The following PILRA variants were observed in gnomAD, a reference collection of about 807,000 sequenced individuals.
The protein encoded by PILRA is paired immunoglobulin-like type 2 receptor alpha.
PILRA carries 37 observed loss-of-function variants against 33.1 expected under a neutral mutation model. That is an observed-to-expected ratio of 1.12 (90% confidence interval 0.86 to 1.47). PILRA has a LOEUF of 1.47. Ranked by LOEUF, PILRA falls within the 40% of genes most tolerant of loss-of-function variation. The pLI is 0.00. For synonymous variants in PILRA, 146 were observed against 149.9 expected (o/e 0.97, Z 0.19); for missense variants, 312 against 376.2 (o/e 0.83, Z 1.41).
At chr7:100,378,627 T>G (rs999525678) in intron 2 of PILRA, among the ~76,000 whole-genome samples, 1 of 151,580 alleles carries the variant, frequency 6.6e-6, no homozygotes, top group Non-Finnish European at 1.5e-5. Context: ...CTCATAAGAT[T>G]GTTTAACTGT....
intron 2 of PILRA, among the ~76,000 whole-genome samples, chr7:100,377,231 C>CTTTTTTTTTTTTTTTTTTTTTT (rs761225046): frequency 2.0e-5 from 2 of 100,930 alleles, no homozygotes; most frequent in Non-Finnish European, 3.9e-5. Flanking sequence ...TTTTCTATTT[C>CTTTTTTTTTTTTTTTTTTTTTT]TTTTTTTTTT....
At chr7:100,395,289 G>A (rs1791472048) in intron 3 of PILRA, among the ~76,000 whole-genome samples, 1 of 152,114 alleles carries the variant, frequency 6.6e-6, no homozygotes, top group Non-Finnish European at 1.5e-5. Context: ...GGTCATGACG[G>A]CTCTGCCAAA....
upstream of PILRA, chr7:100,373,404 C>CCTT (rs1790861867): frequency 3.4e-6 from 2 of 580,856 alleles, no homozygotes; most frequent in Non-Finnish European, 6.2e-6. Flanking sequence ...GGCCTTTGGG[C>CCTT]AGGGCTGACT....
At chr7:100,374,677 C>G in intron 2 of PILRA, 1 of 573,072 alleles carries the variant, frequency 1.7e-6, no homozygotes, top group Non-Finnish European at 3.1e-6. Flanking sequence ...GCCCCGCCCC[C>G]ACTCCTCAGG....
intron 3 of PILRA, among the ~76,000 whole-genome samples, chr7:100,393,934 T>A (rs1032932640): frequency 6.6e-6 from 1 of 152,122 alleles, no homozygotes; most frequent in Non-Finnish European, 1.5e-5. Flanking sequence ...ACACAGCCGA[T>A]CCCCGCCCCT....
intron 3 of PILRA, among the ~76,000 whole-genome samples, chr7:100,390,366 A>G (rs1405969965): frequency 6.6e-6 from 1 of 151,928 alleles, no homozygotes; most frequent in Non-Finnish European, 1.5e-5. Context: ...GTCATCACTC[A>G]TCTACCTCCC....
chr7:100,385,914 C>T (rs921282784), intron 2 of PILRA, among the ~76,000 whole-genome samples: 34 of 151,930 alleles, frequency 2.2e-4, no homozygotes, highest in Non-Finnish European at 3.1e-4. Context: ...CAGGCGTGAG[C>T]CACCACACCC....
intron 2 of PILRA, 76 bp downstream of exon 2, chr7:100,374,509 G>A (rs1790901748): frequency 1.9e-6 from 3 of 1,568,056 alleles, no homozygotes; most frequent in South Asian, 2.2e-5. Context: ...ATCGTCCCCA[G>A]CACCTCAGAC....
intron 2 of PILRA, chr7:100,376,375 T>C (rs764140858): frequency 6.6e-6 from 1 of 152,190 alleles, no homozygotes; most frequent in African/African-American, 2.4e-5. Flanking sequence ...GTCAGATTTG[T>C]TGTTTTTTTC....
intron 2 of PILRA, among the ~76,000 whole-genome samples, chr7:100,383,252 G>T (rs2130190535): frequency 6.6e-6 from 1 of 152,288 alleles, no homozygotes; most frequent in East Asian, 1.9e-4. Context: ...GGAGCCCAGA[G>T]AAGACAGAAA....
At chr7:100,382,161 G>A (rs1442005660) in intron 2 of PILRA, among the ~76,000 whole-genome samples, 1 of 152,248 alleles carries the variant, frequency 6.6e-6, no homozygotes, top group Non-Finnish European at 1.5e-5. Flanking sequence ...CTGCTGCCTG[G>A]TTGGGGATCC....
chr7:100,377,241 T>A (rs1183050555), intron 2 of PILRA, among the ~76,000 whole-genome samples: 1 of 90,602 alleles, frequency 1.1e-5, no homozygotes, highest in Non-Finnish European at 2.6e-5. Context: ...CTTTTTTTTT[T>A]TTTTTTTTTT....
intron 2 of PILRA, among the ~76,000 whole-genome samples, chr7:100,375,379 C>T (rs892597875): frequency 1.3e-5 from 2 of 152,194 alleles, no homozygotes; most frequent in African/African-American, 4.8e-5. Flanking sequence ...GAAATTGAGG[C>T]TAACAGAGCC....
At chr7:100,393,353 C>G (rs17317214) in intron 3 of PILRA, among the ~76,000 whole-genome samples, 26,196 of 151,562 alleles carry the variant, frequency 0.17, 2,359 homozygotes, top group South Asian at 0.32. Context: ...AACCACAGCA[C>G]TTTTCTCCTG....
At position 100,373,815 on chromosome 7, in the gene PILRA, C is replaced by T. The variant is rs970058586; in HGVS notation, c.64+95C>T. 3.5e-5 allele frequency: 53 copies of T among 1,509,842 alleles called. No individual in the cohort carries two copies. In the African/African-American group the frequency reaches 6.0e-4, roughly 17 times the overall value. The allele number at this position is 1,509,842 out of a possible 1,614,324, so 93.5% of individuals were successfully genotyped here. A position where few individuals can be genotyped will look rare whatever the true frequency, so the allele number is the denominator to read the frequency against. On this transcript the variant is annotated intron_variant, in intron 1 of 6. Coordinates refer to ENST00000198536, the MANE Select transcript of PILRA (RefSeq NM_013439.3). ...TGGGACATCTTGGGGAGGGCCCAGGCTCCCACCACCAGGAAACAAGGGCGG... is the reference window on the plus strand; with the variant it reads ...TGGGACATCTTGGGGAGGGCCCAGGTTCCCACCACCAGGAAACAAGGGCGG...
At position 100,399,216 on chromosome 7, in the gene PILRA, C is replaced by T. The variant is rs542791615; in HGVS notation, c.708-75C>T. 4.8e-6 allele frequency: 5 copies of T among 1,031,432 alleles called. No individual in the cohort carries two copies. The East Asian group carries it at 1.2e-4, about 25-fold the overall frequency. 63.9% of individuals were successfully genotyped at this position (1,031,432 alleles called of 1,614,324 possible). Reference sequence around the variant, plus strand: ...TCAGTCTCCCAAAGTGCTGGGATTACAGGTGCCACCACCCAGCCCATGTCT... The same window carrying T: ...TCAGTCTCCCAAAGTGCTGGGATTATAGGTGCCACCACCCAGCCCATGTCT... On this transcript the variant is annotated intron_variant, in intron 4 of 6. Transcript: ENST00000198536.
chr7:100,380,661 C>A (rs1418415528), intron 2 of PILRA, among the ~76,000 whole-genome samples: 1 of 152,074 alleles, frequency 6.6e-6, no homozygotes, highest in African/African-American at 2.4e-5. Context: ...TAAAAAAATA[C>A]AATTTAAAAA....
intron 3 of PILRA, among the ~76,000 whole-genome samples, chr7:100,394,034 A>G (rs780188837): frequency 6.6e-6 from 1 of 152,228 alleles, no homozygotes; most frequent in East Asian, 1.9e-4. Flanking sequence ...AATACAATCA[A>G]TTTTCTGTAA....
rs1563120824 is a variant in PILRA at position 100,390,041 on chromosome 7, C to T, written c.608C>T (p.Ala203Val). The T allele has an allele frequency of 3.1e-6, 5 of 1,614,006 alleles. No homozygotes were observed. Among genetic ancestry groups the T allele is most frequent in the Non-Finnish European group, 4.2e-6 (5 of 1,179,908 alleles). ...GAGACTGCTGTGGGGGTGGCAGTGGCTGTCACTGTGCTCGGAATCATGATT... is the reference window on the plus strand; with the variant it reads ...GAGACTGCTGTGGGGGTGGCAGTGGTTGTCACTGTGCTCGGAATCATGATT... The part of the protein sequence containing the change: ...SLETAVGVAV[A>V]VTVLGIMILG... Residue 203 changes from alanine (A) to valine (V), a missense_variant, in exon 3 of 7, where the codon GCT (alanine) becomes GTT (valine). Coordinates refer to ENST00000198536, the MANE Select transcript of PILRA (RefSeq NM_013439.3).
Sources: gnomAD v4.1 joint callset for allele counts (sites outside exome capture counted in the v4.1 genomes callset) on GRCh38, gnomAD v4.1.1 for gene constraint, MANE v1.5 for transcripts, NCBI Gene and HGNC (gene_info 2026-07-23, HGNC 2026-07-21) for gene names.